DNMT3L: variants seen among roughly 807,000 people sequenced by gnomAD.
DNMT3L encodes DNA methyltransferase 3 like.
In DNMT3L, 33 loss-of-function variants were observed where a neutral mutation model predicts 36.2. The observed-to-expected ratio is 0.91, with a 90% CI of 0.69 to 1.22. The LOEUF is 1.22. DNMT3L is among the 50% of genes most tolerant of loss of function. The pLI is 0.00. For missense variants in DNMT3L, 310 were observed against 303.1 expected, an observed-to-expected ratio of 1.02 and a Z score of -0.17; for synonymous variants, 117 against 121.7, an observed-to-expected ratio of 0.96 and a Z score of 0.26.
intron 3 of DNMT3L, 70 bp downstream of exon 3, chr21:44,260,725 T>C (rs947796575): frequency 5.0e-5 from 80 of 1,603,352 alleles, no homozygotes; most frequent in Non-Finnish European, 6.6e-5. Context: ...CCCAAAGTGC[T>C]GGGATTATAG....
chr21:44,256,857 T>C (rs1258482232), intron 6 of DNMT3L, among the ~76,000 whole-genome samples: 1 of 152,238 alleles, frequency 6.6e-6, no homozygotes, highest in Non-Finnish European at 1.5e-5. Context: ...TTCAGAGTGC[T>C]AGGCTCTGTT....
chr21:44,257,521 A>G (rs987165568), intron 6 of DNMT3L, among the ~76,000 whole-genome samples: 29 of 151,524 alleles, frequency 1.9e-4, no homozygotes, highest in Non-Finnish European at 3.4e-4. Flanking sequence ...CTCTACTAAA[A>G]ATACAAAAAA....
intron 2 of DNMT3L, 66 bp from the exon 3 acceptor site, chr21:44,260,905 G>A: frequency 2.5e-6 from 4 of 1,609,996 alleles, no homozygotes; most frequent in Non-Finnish European, 3.4e-6. Flanking sequence ...AATTCGGCCA[G>A]GAAGTGAGCA....
intron 7 of DNMT3L, 107 bp downstream of exon 7, chr21:44,255,960 T>C: frequency 9.6e-7 from 1 of 1,045,684 alleles, no homozygotes; most frequent in South Asian, 1.4e-5. Context: ...CATCAGCAGT[T>C]GGCCGGTCTA....
intron 1 of DNMT3L, 66 bp downstream of exon 1, chr21:44,261,673 CT>C (rs2040320744): frequency 5.7e-6 from 1 of 175,622 alleles, no homozygotes; most frequent in East Asian, 1.6e-4. Flanking sequence ...GCAGGGACCC[CT>C]GGGGATGGTC....
chr21:44,256,933 G>A (rs558602851), intron 6 of DNMT3L, among the ~76,000 whole-genome samples: 4 of 152,306 alleles, frequency 2.6e-5, no homozygotes, highest in Admixed American at 1.3e-4. Context: ...TTGCTAGGCA[G>A]GGAGAGATGA....
Position 44,257,236 on chromosome 21 carries a change from G to A in DNMT3L, c.517-1082C>T, listed in dbSNP as rs141707878. 3.9e-3 allele frequency among the ~76,000 whole-genome samples: 589 copies of A among 152,260 alleles called. 2 individuals are homozygous for A. Among genetic ancestry groups the A allele is most frequent in the African/African-American group, 0.014 (564 of 41,540 alleles). ...CTCTACTAAAAGTACAGAATTAGCC[G>A]GGTGTGGCGGTCGGTGCCTGTAATC... is the stretch of plus-strand genomic sequence containing the variant. On this transcript the variant is annotated intron_variant, in intron 6 of 11. Transcript: ENST00000628202.
chr21:44,253,623 G>T (rs1168734446), intron 8 of DNMT3L, among the ~76,000 whole-genome samples: 1 of 152,150 alleles, frequency 6.6e-6, no homozygotes, highest in Non-Finnish European at 1.5e-5. Context: ...GGAGGCTGAG[G>T]CAGGAGACTC....
chr21:44,258,555 T>A lies in DNMT3L; in HGVS notation c.484A>T (p.Ser162Cys). Reference protein sequence around the residue: ...GLLQRRRKWRSQLKAFYDRES... With the variant: ...GLLQRRRKWRCQLKAFYDRES... ...CGGTCGTAGAAGGCCTTGAGCTGGC[T>A]GCGCCACTTCCTCCGACGCTGCAGC... The change falls in exon 6 of 12, where the codon AGC (serine) becomes TGC (cysteine). Residue 162 changes from serine to cysteine, a missense_variant. By Grantham distance (112) the Ser-to-Cys change is moderately radical. Coordinates refer to ENST00000628202, the MANE Select transcript of DNMT3L (RefSeq NM_175867.3). The surrounding 1 kb of genome is among the most constrained non-coding windows in gnomAD (Gnocchi z 6.2). The A allele has an allele frequency of 6.3e-7, 1 of 1,595,412 alleles. No individual in the cohort carries two copies. Among genetic ancestry groups the A allele is most frequent in the Admixed American group, 1.8e-5 (1 of 57,102 alleles).
intron 1 of DNMT3L, 98 bp from the exon 2 acceptor site, chr21:44,261,364 C>T: frequency 2.5e-6 from 3 of 1,192,806 alleles, no homozygotes; most frequent in South Asian, 2.7e-5. Flanking sequence ...CTGAGCAGAC[C>T]TTGACTAGTT....
At chr21:44,260,493 C>T (rs1460745369) in intron 3 of DNMT3L, among the ~76,000 whole-genome samples, 1 of 152,230 alleles carries the variant, frequency 6.6e-6, no homozygotes, top group Admixed American at 6.5e-5. Flanking sequence ...CTCACCGTCA[C>T]CCAGGCTGGA....
In DNMT3L at chr21:44,260,823, T is replaced by A. The variant is rs771333544; in HGVS notation, c.123A>T (p.Glu41Asp). The change falls in exon 3 of 12, where the codon GAA (glutamate) becomes GAT (aspartate). Residue 41 changes from glutamate to aspartate, a missense_variant. Coordinates refer to ENST00000628202, the MANE Select transcript of DNMT3L (RefSeq NM_175867.3). ...PGTGRDLIAY[E>D]VKANQRNIED... is the part of the protein sequence containing the mutation. ...CTATATTTCGCTGGTTAGCCTTGAC[T>A]TCATATGCAATAAGATCTGGAAAGG... 6.2e-7 allele frequency: 1 copy of A among 1,613,184 alleles called. No homozygotes were observed. The highest frequency in any genetic ancestry group is 1.7e-5 in the Admixed American group (1 of 60,018).
At chr21:44,257,821 C>T (rs1488895942) in intron 6 of DNMT3L, among the ~76,000 whole-genome samples, 1 of 152,236 alleles carries the variant, frequency 6.6e-6, no homozygotes, top group African/African-American at 2.4e-5. Context: ...GCGTGCCTCC[C>T]TCAGAAGGCG....
At chr21:44,261,387 A>G in intron 1 of DNMT3L, 121 bp from the exon 2 acceptor site, 2 of 873,118 alleles carry the variant, frequency 2.3e-6, no homozygotes, top group Non-Finnish European at 1.7e-6. Flanking sequence ...GGCCACCTGA[A>G]CCCCCGCGGT....
At chr21:44,257,659 C>A (rs1465623684) in intron 6 of DNMT3L, among the ~76,000 whole-genome samples, 5 of 136,504 alleles carry the variant, frequency 3.7e-5, no homozygotes, top group East Asian at 2.0e-4. Flanking sequence ...CCAGCCTGGG[C>A]GACAGAGCGA....
At chr21:44,253,400 C>T (rs2040234251) in intron 8 of DNMT3L, among the ~76,000 whole-genome samples, 1 of 148,578 alleles carries the variant, frequency 6.7e-6, no homozygotes, top group African/African-American at 2.5e-5. Context: ...CAGTGATGGC[C>T]CTCACTCTGT....
intron 8 of DNMT3L, among the ~76,000 whole-genome samples, chr21:44,253,514 C>A (rs1360609845): frequency 6.6e-6 from 1 of 152,132 alleles, no homozygotes; most frequent in East Asian, 1.9e-4. Flanking sequence ...ATCAGGAGTT[C>A]AAGACCAGCC....
At position 44,261,212 on chromosome 21, in the gene DNMT3L, G is replaced by A. The variant is rs762838437; in HGVS notation, c.48C>T (p.Asp16=). Residue 16 remains aspartate, a synonymous_variant, in exon 2 of 12, where the codon GAC becomes GAT. Coordinates refer to ENST00000628202, the MANE Select transcript of DNMT3L (RefSeq NM_175867.3). ...GCTCACTGGATCCCACCAAAATCAC[G>A]TCCATGCTGGGCTCGGCCTCTGGGT... is the stretch of plus-strand genomic sequence containing the variant. ...ALDPEAEPSM[D]VILVGSSELS... 11 of 1,612,674 alleles carry A rather than the reference G, an allele frequency of 6.8e-6. No homozygotes were observed. The highest frequency in any genetic ancestry group is 4.4e-5 in the South Asian group (4 of 91,088).
chr21:44,257,908 A>C (rs2040277494), intron 6 of DNMT3L, among the ~76,000 whole-genome samples: 1 of 152,104 alleles, frequency 6.6e-6, no homozygotes, highest in Non-Finnish European at 1.5e-5. Flanking sequence ...ACCTCACTCC[A>C]GTCTCTGCCT....
Sources: allele counts gnomAD v4.1 joint callset (sites outside exome capture counted in the v4.1 genomes callset), GRCh38; gene constraint gnomAD v4.1.1; non-coding constraint Gnocchi (gnomAD v3.1); transcripts MANE v1.5; gene names NCBI Gene and HGNC (gene_info 2026-07-23, HGNC 2026-07-21).